Variants in LARGE1 observed in about 807,000 individuals in gnomAD.
The protein encoded by LARGE1 is LARGE xylosyl- and glucuronyltransferase 1, also known as xylosyl- and glucuronyltransferase LARGE1.
LARGE1 carries 43 observed loss-of-function variants against 87.6 expected under a neutral mutation model. That is an observed-to-expected ratio of 0.49 (90% CI 0.38 to 0.63). The LOEUF (loss-of-function observed/expected upper bound fraction) is 0.63, where lower values mean the gene tolerates loss of function less well. Among genes scored for constraint, LARGE1 ranks in the 30% least tolerant of loss-of-function variants. The pLI, the probability that LARGE1 is intolerant of heterozygous loss-of-function variation, is 0.00. For missense variants in LARGE1, 802 were observed against 1,000.2 expected (o/e 0.80, Z 2.67); for synonymous variants, 434 against 394.6 (o/e 1.10, Z -1.18).
the LARGE1 span, among the ~76,000 whole-genome samples, chr22:33,104,230 T>A: frequency 2.6e-5 from 4 of 152,096 alleles, no homozygotes. Flanking sequence ...AGCTAATAAG[T>A]GGGAGTTGCT....
At chr22:33,332,839 G>C (rs1399373120) in intron 10 of LARGE1, among the ~76,000 whole-genome samples, 1 of 152,146 alleles carries the variant, frequency 6.6e-6, no homozygotes, top group Non-Finnish European at 1.5e-5. Context: ...CAGAGGAACA[G>C]GGCTGGAGCA....
At chr22:33,782,736 G>A (rs546772621) in intron 1 of LARGE1, among the ~76,000 whole-genome samples, 147 of 152,000 alleles carry the variant, frequency 9.7e-4, no homozygotes, top group African/African-American at 2.5e-3. Flanking sequence ...GTGGTGGTGC[G>A]TGCCTGTAAT....
At chr22:33,719,672 C>T (rs1601410619) in intron 2 of LARGE1, among the ~76,000 whole-genome samples, 1 of 152,184 alleles carries the variant, frequency 6.6e-6, no homozygotes, top group African/African-American at 2.4e-5. Context: ...AGGTGCCCAC[C>T]ACAACGCCTG....
At chr22:33,143,372 A>G in the LARGE1 span, among the ~76,000 whole-genome samples, 6 of 152,208 alleles carry the variant, frequency 3.9e-5, no homozygotes, top group South Asian at 1.2e-3. Context: ...CAAATATTGA[A>G]AGAAATCAAT....
intron 11 of LARGE1, among the ~76,000 whole-genome samples, chr22:33,267,414 C>A (rs1006526694): frequency 3.3e-5 from 5 of 151,660 alleles, no homozygotes; most frequent in African/African-American, 1.2e-4. Flanking sequence ...TGTCAAAGGA[C>A]AGGATTACAT....
chr22:33,104,939 C>CT, the LARGE1 span, among the ~76,000 whole-genome samples: 1 of 141,506 alleles, frequency 7.1e-6, no homozygotes, highest in African/African-American at 2.7e-5. Flanking sequence ...TTCTTTCTTT[C>CT]TTTCTTTCTC....
At chr22:33,357,886 T>C (rs1941044971) in intron 9 of LARGE1, among the ~76,000 whole-genome samples, 1 of 152,226 alleles carries the variant, frequency 6.6e-6, no homozygotes, top group South Asian at 2.1e-4. Context: ...CTTTTAATCT[T>C]TCCATCTCTT....
intron 2 of LARGE1, among the ~76,000 whole-genome samples, chr22:33,759,356 C>T (rs951297056): frequency 1.3e-5 from 2 of 152,210 alleles, no homozygotes; most frequent in Non-Finnish European, 2.9e-5. Context: ...AGGCCCCAAT[C>T]TATAGCATGG....
chr22:33,559,386 T>G (rs1411845067), intron 6 of LARGE1, among the ~76,000 whole-genome samples: 1 of 152,230 alleles, frequency 6.6e-6, no homozygotes, highest in African/African-American at 2.4e-5. Flanking sequence ...TTCGCCATGT[T>G]GGCCAGGCTG....
the LARGE1 span, among the ~76,000 whole-genome samples, chr22:33,132,253 A>C: frequency 6.6e-6 from 1 of 152,040 alleles, no homozygotes; most frequent in Non-Finnish European, 1.5e-5. Flanking sequence ...GCACAATCAC[A>C]GCTTATTGCA....
rs1272455175 is a variant in LARGE1, at chr22:33,187,879, G to A, written c.1731-21047C>T. ...GTGGAGTTTGCAGTGAGCTGAGATCGCACCACTGCACTCTCCTGGGCAACA... is the reference window on the plus strand; with the variant it reads ...GTGGAGTTTGCAGTGAGCTGAGATCACACCACTGCACTCTCCTGGGCAACA... On this transcript the variant is annotated intron_variant, in intron 11 of 11. Transcript: ENST00000608642. Among the ~76,000 whole-genome samples the A allele has an allele frequency of 2.5e-5, 3 of 118,386 alleles. No individual in the cohort carries two copies. The East Asian group carries it at 8.7e-4, about 34-fold the overall frequency. The allele number at this position is 118,386 out of a possible 152,430, so 77.7% of individuals were successfully genotyped here.
intron 7 of LARGE1, among the ~76,000 whole-genome samples, chr22:33,399,752 G>A (rs1432021756): frequency 6.6e-6 from 1 of 152,260 alleles, no homozygotes; most frequent in Non-Finnish European, 1.5e-5. Context: ...GTTTCATCAT[G>A]TTAGCCAGGA....
intron 11 of LARGE1, among the ~76,000 whole-genome samples, chr22:33,193,263 T>A (rs1923883685): frequency 6.6e-6 from 1 of 152,144 alleles, no homozygotes. Flanking sequence ...TATTACTTTT[T>A]AAAAATATTA....
At chr22:33,375,865 A>C (rs2064976272) in intron 9 of LARGE1, among the ~76,000 whole-genome samples, 1 of 152,120 alleles carries the variant, frequency 6.6e-6, no homozygotes, top group Non-Finnish European at 1.5e-5. Flanking sequence ...CTCCCACCTC[A>C]ACCTCCCCAG....
At chr22:33,486,161 A>C (rs1040236599) in intron 6 of LARGE1, among the ~76,000 whole-genome samples, 3 of 152,218 alleles carry the variant, frequency 2.0e-5, no homozygotes, top group African/African-American at 7.2e-5. Flanking sequence ...TGGGTGATCC[A>C]GGGCATGTGG....
At chr22:33,866,017 T>G (rs901614815) in intron 1 of LARGE1, among the ~76,000 whole-genome samples, 7 of 151,508 alleles carry the variant, frequency 4.6e-5, no homozygotes, top group African/African-American at 1.5e-4. Context: ...CCCAGCTAAT[T>G]TTTGTAATTT....
chr22:33,773,630 G>T (rs148289716), intron 1 of LARGE1, among the ~76,000 whole-genome samples: 152 of 152,250 alleles, frequency 1.0e-3, no homozygotes, highest in African/African-American at 3.5e-3. Context: ...CATTTCACAT[G>T]GGCCTCACAG....
intron 6 of LARGE1, among the ~76,000 whole-genome samples, chr22:33,564,328 G>A (rs1489055693): frequency 2.6e-5 from 4 of 152,098 alleles, no homozygotes; most frequent in Admixed American, 6.5e-5. Context: ...AGGCCGTGAC[G>A]AGAGTTACAA....
intron 1 of LARGE1, among the ~76,000 whole-genome samples, chr22:33,786,161 G>A (rs2085634806): frequency 6.6e-6 from 1 of 152,174 alleles, no homozygotes; most frequent in Non-Finnish European, 1.5e-5. Flanking sequence ...GTATTCAGGT[G>A]CTGGGAAGAC....
Sources: gnomAD v4.1 joint callset for allele counts (sites outside exome capture counted in the v4.1 genomes callset) on GRCh38, gnomAD v4.1.1 for gene constraint, MANE v1.5 for transcripts, NCBI Gene and HGNC (gene_info 2026-07-23, HGNC 2026-07-21) for gene names.